PATJ: variants seen among roughly 807,000 people sequenced by gnomAD.
PATJ encodes PATJ crumbs cell polarity complex component.
A neutral mutation model predicts 224.9 loss-of-function variants in PATJ; 190 were observed. The observed-to-expected ratio is 0.84, with a 90% CI of 0.75 to 0.95. The LOEUF is 0.95. PATJ is among the 40% of genes least tolerant of loss of function. PATJ has a pLI of 0.00. For missense variants in PATJ, 2,121 were observed against 2,270.3 expected (o/e 0.93, Z 1.34); for synonymous variants, 769 against 820.3 (o/e 0.94, Z 1.07).
At chr1:61,899,786 T>C in intron 23 of PATJ, 132 bp downstream of exon 23, 1 of 581,412 alleles carries the variant, frequency 1.7e-6, no homozygotes, top group South Asian at 2.9e-5. Flanking sequence ...TAAGCTGGCC[T>C]ACGTTTTGGT....
intron 17 of PATJ, among the ~76,000 whole-genome samples, chr1:61,844,265 A>T (rs2148850996): frequency 6.6e-6 from 1 of 152,328 alleles, no homozygotes; most frequent in Non-Finnish European, 1.5e-5. Flanking sequence ...CACAGTGAAT[A>T]ACCCAGAATT....
At chr1:61,997,702 G>C (rs7543741) in intron 28 of PATJ, among the ~76,000 whole-genome samples, 22,169 of 151,634 alleles carry the variant, frequency 0.15, 1,994 homozygotes, top group Non-Finnish European at 0.21. Context: ...AATTTATCCA[G>C]TACTAGTTTA....
intron 31 of PATJ, among the ~76,000 whole-genome samples, chr1:62,057,085 C>T (rs1654676014): frequency 6.6e-6 from 1 of 152,182 alleles, no homozygotes; most frequent in South Asian, 2.1e-4. Flanking sequence ...ACCTCAGCCT[C>T]CTAAAGTGCT....
chr1:62,147,603 A>G (rs1329344489), intron 41 of PATJ, among the ~76,000 whole-genome samples: 2 of 152,136 alleles, frequency 1.3e-5, no homozygotes, highest in Non-Finnish European at 2.9e-5. Flanking sequence ...GTTCAAGACC[A>G]GCCTGGCCAA....
At chr1:61,796,732 C>CTT (rs1557661459) in intron 10 of PATJ, among the ~76,000 whole-genome samples, 29 of 69,168 alleles carry the variant, frequency 4.2e-4, no homozygotes, top group African/African-American at 1.4e-3. Flanking sequence ...CTTTTTCTTT[C>CTT]TTTCTTTCTT....
At chr1:61,826,230 A>G (rs1461457382) in intron 15 of PATJ, among the ~76,000 whole-genome samples, 1 of 152,222 alleles carries the variant, frequency 6.6e-6, no homozygotes, top group East Asian at 1.9e-4. Flanking sequence ...GTTCCCAGGA[A>G]TAGTGGACCT....
intron 41 of PATJ, among the ~76,000 whole-genome samples, chr1:62,146,440 GAGA>G (rs1211173529): frequency 2.0e-5 from 3 of 152,188 alleles, no homozygotes. Flanking sequence ...GGGCTGAAGC[GAGA>G]AGACCAGTGA....
chr1:61,848,874 GC>G (rs1282344394), intron 17 of PATJ, among the ~76,000 whole-genome samples: 4 of 152,156 alleles, frequency 2.6e-5, no homozygotes, highest in Non-Finnish European at 5.9e-5. Context: ...TTTTCAAGAA[GC>G]CAATATCTGG....
chr1:61,982,754 C>G (rs2149509317), intron 27 of PATJ, among the ~76,000 whole-genome samples: 1 of 152,050 alleles, frequency 6.6e-6, no homozygotes. Context: ...AAAGCTAGTA[C>G]TGACATAATT....
chr1:62,086,306 T>TTG lies in PATJ; in HGVS notation c.4377+1670_4377+1671dup, dbSNP rs1326947958. On this transcript the variant is annotated intron_variant, in intron 33 of 43. Coordinates refer to ENST00000642238, the MANE Select transcript of PATJ (RefSeq NM_001350145.3). The surrounding 1 kb of genome is among the most constrained non-coding windows in gnomAD (Gnocchi z 4.0). ...AAGTTAAATTGATACAAAAGGAAAATTGTGTGTGTGTGTATGTAATACCTG... is the reference window on the plus strand; with the variant it reads ...AAGTTAAATTGATACAAAAGGAAAATTGTGTGTGTGTGTGTATGTAATACCTG... Among the ~76,000 whole-genome samples, 2 of 150,662 alleles carry TTG rather than the reference T, an allele frequency of 1.3e-5. No homozygotes were observed. The highest frequency in any genetic ancestry group is 4.9e-5 in the African/African-American group (2 of 40,516).
Position 62,123,065 on chromosome 1 carries a change from C to A in PATJ, c.5043+7C>A. On this transcript the variant is annotated splice_region_variant and intron_variant, in intron 39 of 43. Transcript: ENST00000642238. The stretch of plus-strand genomic sequence containing the variant: ...GACTGTTGAGATAAACAGGGTAAGT[C>A]AGTCATTTTGCTGTATGTATTTTTC... 6.3e-7 allele frequency: 1 copy of A among 1,588,116 alleles called. No individual in the cohort carries two copies. The highest frequency in any genetic ancestry group is 1.1e-5 in the South Asian group (1 of 87,934).
chr1:62,153,820 G>T (rs1365170530), intron 43 of PATJ, among the ~76,000 whole-genome samples: 6 of 152,160 alleles, frequency 3.9e-5, no homozygotes, highest in Non-Finnish European at 8.8e-5. Context: ...ACAAAAAAAA[G>T]ATTTGGCTTT....
At chr1:61,783,262 C>T (rs1475898157) in intron 7 of PATJ, among the ~76,000 whole-genome samples, 1 of 152,138 alleles carries the variant, frequency 6.6e-6, no homozygotes, top group East Asian at 1.9e-4. Context: ...TTTAGGGAAA[C>T]AGTGTATTTT....
In PATJ at chr1:61,877,682, T is replaced by A. The variant is rs191316942; in HGVS notation, c.2959+2316T>A. ...CCATGATTGTAAGTTTCCTGAGGCC[T>A]TCCTAGCCATGCCTCTCGTACAGCC... On this transcript the variant is annotated intron_variant, in intron 21 of 43. Transcript: ENST00000642238. Among the ~76,000 whole-genome samples, 290 of 152,248 alleles carry A rather than the reference T, an allele frequency of 1.9e-3. 2 individuals carry two copies. Among genetic ancestry groups the A allele is most frequent in the African/African-American group, 6.8e-3 (284 of 41,554 alleles).
chr1:61,914,464 G>GA (rs376030978), intron 25 of PATJ, 123 bp from the exon 26 acceptor site: 10 of 485,694 alleles, frequency 2.1e-5, no homozygotes, highest in African/African-American at 1.4e-4. Context: ...CTCAGAAAAA[G>GA]AAAAAAACAG....
chr1:61,761,240 G>A (rs1252139221), intron 1 of PATJ, among the ~76,000 whole-genome samples: 1 of 152,070 alleles, frequency 6.6e-6, no homozygotes, highest in African/African-American at 2.4e-5. Flanking sequence ...GCCTCCTAAA[G>A]TACTGGGATC....
At chr1:61,784,313 C>T (rs1454587508) in intron 7 of PATJ, among the ~76,000 whole-genome samples, 2 of 152,124 alleles carry the variant, frequency 1.3e-5, no homozygotes, top group East Asian at 3.8e-4. Flanking sequence ...TTTTAGTTTC[C>T]TCACACAGAA....
At chr1:62,102,090 G>T (rs537225049) in intron 33 of PATJ, among the ~76,000 whole-genome samples, 1 of 152,012 alleles carries the variant, frequency 6.6e-6, no homozygotes, top group Non-Finnish European at 1.5e-5. Context: ...GAGGTGAGAG[G>T]ATCACTTGAG....
chr1:62,129,755 A>T (rs979398968), intron 41 of PATJ, among the ~76,000 whole-genome samples: 3 of 152,174 alleles, frequency 2.0e-5, no homozygotes, highest in African/African-American at 7.2e-5. Context: ...AGCCTGGACA[A>T]CATGGTGAAA....
Sources: allele counts gnomAD v4.1 joint callset (sites outside exome capture counted in the v4.1 genomes callset), GRCh38; gene constraint gnomAD v4.1.1; non-coding constraint Gnocchi (gnomAD v3.1); transcripts MANE v1.5; gene names NCBI Gene and HGNC (gene_info 2026-07-23, HGNC 2026-07-21).